ARHGAP8: variants seen among roughly 807,000 people sequenced by gnomAD.
ARHGAP8 encodes the protein rho GTPase-activating protein 8.
ARHGAP8 carries 62 observed loss-of-function variants against 46.1 expected under a neutral mutation model. That is an observed-to-expected ratio of 1.34 (90% CI 1.10 to 1.66). ARHGAP8 has a LOEUF of 1.66. ARHGAP8 is among the 40% of genes most tolerant of loss of function. The pLI, the probability that ARHGAP8 is intolerant of heterozygous loss-of-function variation, is 0.00. For missense variants in ARHGAP8, 923 were observed against 568.4 expected, an observed-to-expected ratio of 1.62 and a Z score of -6.34; for synonymous variants, 375 against 243.1, an observed-to-expected ratio of 1.54 and a Z score of -5.05.
At chr22:44,861,559 C>T (rs988188276) in intron 11 of ARHGAP8, among the ~76,000 whole-genome samples, 1 of 152,198 alleles carries the variant, frequency 6.6e-6, no homozygotes, top group Non-Finnish European at 1.5e-5. Flanking sequence ...CCCTCCAGTT[C>T]TCTGCTCTGC....
intron 4 of ARHGAP8, among the ~76,000 whole-genome samples, chr22:44,811,549 C>T (rs562409410): frequency 6.0e-4 from 91 of 152,328 alleles, no homozygotes; most frequent in African/African-American, 2.2e-3. Context: ...GTGACTCTCC[C>T]ACTCCCCGGG....
intron 1 of ARHGAP8, among the ~76,000 whole-genome samples, chr22:44,769,510 T>C (rs1351553059): frequency 1.3e-5 from 2 of 152,240 alleles, no homozygotes; most frequent in African/African-American, 4.8e-5. Flanking sequence ...GGGATTTTGA[T>C]TGGGATTGTG....
At chr22:44,811,298 G>A (rs1010019370) in intron 4 of ARHGAP8, among the ~76,000 whole-genome samples, 3 of 152,256 alleles carry the variant, frequency 2.0e-5, no homozygotes, top group Non-Finnish European at 4.4e-5. Flanking sequence ...CAGTGACAAA[G>A]CCAAAGGTAA....
At chr22:44,799,601 G>A (rs1035748774) in intron 2 of ARHGAP8, among the ~76,000 whole-genome samples, 3 of 152,082 alleles carry the variant, frequency 2.0e-5, no homozygotes, top group African/African-American at 7.2e-5. Flanking sequence ...CACTCCTGAC[G>A]ACAGCCTGGT....
At chr22:44,778,727 C>T (rs1035845937) in intron 1 of ARHGAP8, among the ~76,000 whole-genome samples, 3 of 152,154 alleles carry the variant, frequency 2.0e-5, no homozygotes, top group Admixed American at 6.6e-5. Flanking sequence ...ATTCTTCCTT[C>T]TGTAACTTCT....
At chr22:44,860,397 ACTCCAGCTATGC>A (rs1264073788) in intron 11 of ARHGAP8, among the ~76,000 whole-genome samples, 1 of 151,332 alleles carries the variant, frequency 6.6e-6, no homozygotes, top group Non-Finnish European at 1.5e-5. Context: ...GCTCCTGGTC[ACTCCAGCTATGC>A]CTCCAGCTCC....
chr22:44,752,954 GT>G (rs1555907639), intron 1 of ARHGAP8, among the ~76,000 whole-genome samples: 2 of 151,604 alleles, frequency 1.3e-5, no homozygotes, highest in Non-Finnish European at 2.9e-5. Flanking sequence ...CTCAGCCTGC[GT>G]TTTGGTCTGG....
chr22:44,768,007 TTTTTTTTTG>T (rs1221107301), intron 1 of ARHGAP8, among the ~76,000 whole-genome samples: 14 of 108,484 alleles, frequency 1.3e-4, no homozygotes, highest in South Asian at 4.0e-4. Context: ...TTTTTTTTTT[TTTTTTTTTG>T]TGAGACAGAG....
intron 1 of ARHGAP8, among the ~76,000 whole-genome samples, chr22:44,759,258 G>A (rs1924935197): frequency 6.6e-6 from 1 of 152,170 alleles, no homozygotes; most frequent in Non-Finnish European, 1.5e-5. Context: ...ACATGGCCCT[G>A]CTGTCAGGGC....
intron 1 of ARHGAP8, among the ~76,000 whole-genome samples, chr22:44,761,437 C>T (rs1925126400): frequency 6.6e-6 from 1 of 152,190 alleles, no homozygotes; most frequent in Non-Finnish European, 1.5e-5. Context: ...GAACTATTTA[C>T]AGGCATTTAC....
Position 44,859,724 on chromosome 22 carries a change from C to T in ARHGAP8, c.878-7C>T, listed in dbSNP as rs770105935. On this transcript the variant is annotated splice_polypyrimidine_tract_variant and splice_region_variant and intron_variant, in intron 10 of 11. Coordinates refer to ENST00000356099, the MANE Select transcript of ARHGAP8 (RefSeq NM_181335.3). ...GGAGCTCAGCAGGGAGCCCCATGCC[C>T]TTCCAGGTGTGGAGAGCAGCCTGCG... 5.6e-6 allele frequency: 9 copies of T among 1,613,178 alleles called. No individual in the cohort carries two copies. The highest frequency in any genetic ancestry group is 3.3e-5 in the Admixed American group (2 of 60,022).
chr22:44,808,640 A>AC (rs1929107142), intron 4 of ARHGAP8: 1 of 757,830 alleles, frequency 1.3e-6, no homozygotes, highest in Non-Finnish European at 2.1e-6. Flanking sequence ...GTTGGCACTC[A>AC]TTTTTTTTTT....
At chr22:44,775,275 A>G (rs955598390) in intron 1 of ARHGAP8, among the ~76,000 whole-genome samples, 11 of 152,176 alleles carry the variant, frequency 7.2e-5, no homozygotes, top group Non-Finnish European at 4.4e-5. Flanking sequence ...GCCTGGGCCT[A>G]TGGGTCAGCA....
At chr22:44,759,193 T>TG (rs888116874) in intron 1 of ARHGAP8, among the ~76,000 whole-genome samples, 9 of 152,198 alleles carry the variant, frequency 5.9e-5, no homozygotes, top group Non-Finnish European at 1.3e-4. Context: ...CCCAAGTCCC[T>TG]GCTCGTGTCC....
In ARHGAP8 at chr22:44,778,422, G is replaced by A. The variant is rs376127143; in HGVS notation, c.-71-8035G>A. ...TATATCACAGTTTCTTTATCCTCTCGTTGATTAATGGGCATTTGGGCTGGT... is the reference window on the plus strand; with the variant it reads ...TATATCACAGTTTCTTTATCCTCTCATTGATTAATGGGCATTTGGGCTGGT... On this transcript the variant is annotated intron_variant, in intron 1 of 11. Transcript: ENST00000356099. Among the ~76,000 whole-genome samples, 301 of 152,118 alleles carry A rather than the reference G, an allele frequency of 2.0e-3. 13 individuals are homozygous for A. The South Asian group carries it at 0.054, about 27-fold the overall frequency.
chr22:44,819,581 G>A (rs1045609895), intron 5 of ARHGAP8, among the ~76,000 whole-genome samples: 1 of 152,286 alleles, frequency 6.6e-6, no homozygotes, highest in East Asian at 1.9e-4. Flanking sequence ...GGTGAGCTAC[G>A]AGAATCGCTT....
chr22:44,859,836 T>G lies in ARHGAP8; in HGVS notation c.981+2T>G, dbSNP rs1271052594. The G allele has an allele frequency of 1.2e-6, 2 of 1,613,256 alleles. No homozygotes were observed. Among genetic ancestry groups the G allele is most frequent in the East Asian group, 2.2e-5 (1 of 44,844 alleles). The stretch of plus-strand genomic sequence containing the variant: ...TACCTCATGGGCTTCCTGCATGCGG[T>G]GAGTGGGGAAGGGGGGAGCTTGGGG... On this transcript the variant is annotated splice_donor_variant, in intron 11 of 11. Coordinates refer to ENST00000356099, the MANE Select transcript of ARHGAP8 (RefSeq NM_181335.3). LOFTEE classifies it high-confidence loss of function.
intron 2 of ARHGAP8, among the ~76,000 whole-genome samples, chr22:44,796,686 C>T (rs1928112390): frequency 6.6e-6 from 1 of 152,156 alleles, no homozygotes; most frequent in African/African-American, 2.4e-5. Context: ...CGGGAGAAGT[C>T]ACAGACGCTC....
Position 44,825,486 on chromosome 22 carries a change from C to A in ARHGAP8, c.489C>A (p.Tyr163Ter), listed in dbSNP as rs144191237. The A allele has an allele frequency of 5.0e-6, 8 of 1,612,840 alleles. No individual in the cohort carries two copies. The highest frequency in any genetic ancestry group is 2.7e-5 in the African/African-American group (2 of 74,954). ...CCAGCCTCTGTTGTGTCTACAGGTA[C>A]GATGAGAAGCTCCAGAGCCTGCACG... ...QLVIPPEVLR[Y>*]DEKLQSLHEG... The change falls in exon 7 of 12, where the codon TAC becomes TAA. Residue 163 changes from tyrosine (Y) to a stop codon, truncating the protein, a stop_gained. Coordinates refer to ENST00000356099, the MANE Select transcript of ARHGAP8 (RefSeq NM_181335.3). LOFTEE classifies it high-confidence loss of function.
Sources: gnomAD v4.1 joint callset for allele counts (sites outside exome capture counted in the v4.1 genomes callset) on GRCh38, gnomAD v4.1.1 for gene constraint, MANE v1.5 for transcripts, NCBI Gene and HGNC (gene_info 2026-07-23, HGNC 2026-07-21) for gene names.